PKHD1: variants seen among roughly 807,000 people sequenced by gnomAD.
The protein encoded by PKHD1 is PKHD1 ciliary IPT domain containing fibrocystin/polyductin.
Under a neutral mutation model 412.0 loss-of-function variants are expected in PKHD1, and 291 were observed. The ratio of observed to expected loss-of-function variants is 0.71; its 90% confidence interval spans 0.64 to 0.78. The LOEUF is 0.78. Ranked by LOEUF, PKHD1 falls within the 30% of genes least tolerant of loss-of-function variation. The pLI is 0.00. For synonymous variants in PKHD1, 1,777 were observed against 1,821.5 expected, an observed-to-expected ratio of 0.98 and a Z score of 0.62; for missense variants, 4,825 against 4,950.7, an observed-to-expected ratio of 0.97 and a Z score of 0.76.
At chr6:51,907,252 GT>G (rs538688254) in intron 40 of PKHD1, among the ~76,000 whole-genome samples, 1 of 152,230 alleles carries the variant, frequency 6.6e-6, no homozygotes, top group South Asian at 2.1e-4. Context: ...TATTAGAAAA[GT>G]TACTTTAGTT....
intron 36 of PKHD1, among the ~76,000 whole-genome samples, chr6:51,950,208 G>T (rs867942633): frequency 3.1e-5 from 1 of 32,646 alleles, no homozygotes. Context: ...GGGCAATATA[G>T]AGAAAAAAAA....
intron 37 of PKHD1, among the ~76,000 whole-genome samples, chr6:51,925,282 T>C (rs1785350397): frequency 6.6e-6 from 1 of 152,232 alleles, no homozygotes; most frequent in Non-Finnish European, 1.5e-5. Context: ...TGAGAAGCTT[T>C]GTGTCAAGAT....
intron 60 of PKHD1, among the ~76,000 whole-genome samples, chr6:51,710,067 G>A (rs1179605949): frequency 1.3e-5 from 2 of 152,082 alleles, no homozygotes; most frequent in African/African-American, 4.8e-5. Context: ...AAAATTAGCC[G>A]GGCATGGTGG....
chr6:51,802,477 A>C (rs565644786), intron 52 of PKHD1, among the ~76,000 whole-genome samples: 109 of 151,684 alleles, frequency 7.2e-4, no homozygotes, highest in Non-Finnish European at 1.1e-3. Flanking sequence ...GAAAAGGCAT[A>C]AACTGGCAAC....
intron 56 of PKHD1, among the ~76,000 whole-genome samples, 179 bp downstream of exon 56, chr6:51,754,605 A>T (rs917358537): frequency 1.3e-5 from 2 of 152,184 alleles, no homozygotes; most frequent in African/African-American, 2.4e-5. Context: ...TTCTTTAAAA[A>T]TAAAGCAACA....
chr6:51,758,053 A>AGAGAGAGAGAGAGAGAGAGAGAGAG (rs1491172795), intron 55 of PKHD1, among the ~76,000 whole-genome samples: 5 of 148,394 alleles, frequency 3.4e-5, no homozygotes, highest in Admixed American at 6.8e-5. Context: ...AGAGAGAGAG[A>AGAGAGAGAGAGAGAGAGAGAGAGAG]AAACAAAGCA....
chr6:51,911,819 T>C lies in PKHD1; in HGVS notation c.6470A>G (p.Gln2157Arg). The change falls in exon 39 of 67, where the codon CAG becomes CGG. Residue 2157 changes from glutamine to arginine, a missense_variant. Coordinates refer to ENST00000371117, the MANE Select transcript of PKHD1 (RefSeq NM_138694.4). ...TCTACCTTCTGGAGCATTGGCCTCC[T>C]GGCATGAAACAAGCAGCTTCTCCCT... ...NEREKLLVSC[Q>R]EANAPEGNLQ... The C allele has an allele frequency of 6.2e-7, 1 of 1,613,078 alleles. No homozygotes were observed. Among genetic ancestry groups the C allele is most frequent in the African/African-American group, 1.3e-5 (1 of 74,988 alleles).
In PKHD1 at chr6:52,025,078, A is replaced by T; in HGVS notation, c.4732T>A (p.Tyr1578Asn). ...TGTAAGCTGAAATTCTTAGGAAAAT[A>T]ATGAAACACTTGGGGCATAATGTAG... ...HFYIMPQVFH[Y>N]FPKNFSLHGG... Residue 1578 changes from tyrosine to asparagine, a missense_variant, in exon 32 of 67, where the codon TAT becomes AAT. Transcript: ENST00000371117. 1 of 1,614,214 alleles carries T rather than the reference A, an allele frequency of 6.2e-7. No homozygotes were observed. Among genetic ancestry groups the T allele is most frequent in the Non-Finnish European group, 8.5e-7 (1 of 1,180,038 alleles).
chr6:51,961,183 C>T (rs539468285), intron 35 of PKHD1, among the ~76,000 whole-genome samples: 171 of 151,976 alleles, frequency 1.1e-3, no homozygotes, highest in Admixed American at 2.1e-3. Flanking sequence ...TTTGTAATAC[C>T]GACAACTACA....
intron 55 of PKHD1, among the ~76,000 whole-genome samples, chr6:51,767,937 T>C (rs1424745644): frequency 6.6e-6 from 1 of 152,084 alleles, no homozygotes; most frequent in Non-Finnish European, 1.5e-5. Flanking sequence ...CCACCAACAG[T>C]GTAAAAGTGT....
At chr6:51,972,100 G>C (rs113080257) in intron 35 of PKHD1, among the ~76,000 whole-genome samples, 19 of 151,838 alleles carry the variant, frequency 1.3e-4, no homozygotes, top group African/African-American at 4.6e-4. Context: ...GACTATGATT[G>C]GTATTAAAAA....
At chr6:52,070,550 C>A (rs1277390928) in intron 9 of PKHD1, 105 bp from the exon 10 acceptor site, 4 of 804,126 alleles carry the variant, frequency 5.0e-6, no homozygotes, top group African/African-American at 1.7e-5. Context: ...CAAATTACCA[C>A]CCAAACCTGT....
chr6:51,633,494 C>T (rs1768172090), intron 64 of PKHD1, among the ~76,000 whole-genome samples: 1 of 151,984 alleles, frequency 6.6e-6, no homozygotes, highest in Non-Finnish European at 1.5e-5. Context: ...GATAAACAAA[C>T]TACAGTTTAT....
rs186359956 is a variant in PKHD1, at chr6:51,925,219, A to G, written c.6121+8891T>C. On this transcript the variant is annotated intron_variant, in intron 37 of 66. Transcript: ENST00000371117. ...CTCACAACCTAGCAGGAAAATGGAA[A>G]CTACAGAAAGTTTGAAAGGAAGAGA... Among the ~76,000 whole-genome samples the G allele has an allele frequency of 2.0e-5, 3 of 152,332 alleles. No individual in the cohort carries two copies. In the East Asian group the frequency reaches 5.8e-4, roughly 29 times the overall value.
intron 52 of PKHD1, among the ~76,000 whole-genome samples, chr6:51,823,624 T>C (rs1434726272): frequency 6.6e-6 from 1 of 152,124 alleles, no homozygotes; most frequent in African/African-American, 2.4e-5. Flanking sequence ...CAAATTAAGA[T>C]TGGAAAAAGA....
chr6:51,855,891 A>G lies in PKHD1; in HGVS notation c.7911+2T>C, dbSNP rs1376949476. ...TACCAACTAATGGATTCCTTGGGTT[A>G]CCTGCAGAGATCTGTTGATCCAAAG... On this transcript the variant is annotated splice_donor_variant, in intron 49 of 66. Transcript: ENST00000371117. LOFTEE classifies it high-confidence loss of function. 6.2e-7 allele frequency: 1 copy of G among 1,609,350 alleles called. No individual in the cohort carries two copies. The highest frequency in any genetic ancestry group is 2.2e-5 in the East Asian group (1 of 44,872).
rs190735105 is a variant in PKHD1, at chr6:51,620,146, C to T, written c.11786-626G>A. Among the ~76,000 whole-genome samples the T allele has an allele frequency of 2.6e-3, 393 of 152,296 alleles. 1 individual carries two copies. Among genetic ancestry groups the T allele is most frequent in the African/African-American group, 8.9e-3 (369 of 41,552 alleles). On this transcript the variant is annotated intron_variant, in intron 66 of 66. Transcript: ENST00000371117. ...GCTTCATGACTTTCATCCTTTCAGC[C>T]TCTCTGGGCTTTAGTTGCATAATTT...
At chr6:51,836,495 ATG>A in intron 50 of PKHD1, 26 bp from the exon 51 acceptor site, 1 of 1,516,666 alleles carries the variant, frequency 6.6e-7, no homozygotes, top group Non-Finnish European at 9.2e-7. Context: ...CACAACTTGC[ATG>A]TGATACAAAG....
At chr6:51,738,172 G>T (rs1784098979) in intron 60 of PKHD1, among the ~76,000 whole-genome samples, 1 of 152,164 alleles carries the variant, frequency 6.6e-6, no homozygotes, top group Non-Finnish European at 1.5e-5. Context: ...CCTTCCACCT[G>T]CACAGCTTCC....
Sources: gnomAD v4.1 joint callset for allele counts (sites outside exome capture counted in the v4.1 genomes callset) on GRCh38, gnomAD v4.1.1 for gene constraint, MANE v1.5 for transcripts, NCBI Gene and HGNC (gene_info 2026-07-23, HGNC 2026-07-21) for gene names.